LIMCH1: variants seen among roughly 807,000 people sequenced by gnomAD.
LIMCH1 encodes the protein LIM and calponin homology domains-containing protein 1.
In LIMCH1, 113 loss-of-function variants were observed where a neutral mutation model predicts 176.5. That is an observed-to-expected ratio of 0.64 (90% CI 0.55 to 0.75). LIMCH1 has a LOEUF of 0.75. Among genes scored for constraint, LIMCH1 ranks in the 30% least tolerant of loss-of-function variants. The pLI is 0.00. For synonymous variants in LIMCH1, 619 were observed against 645.9 expected (o/e 0.96, Z 0.63); for missense variants, 1,674 against 1,814.9 (o/e 0.92, Z 1.41).
At chr4:41,369,921 T>C (rs1419296678) in intron 1 of LIMCH1, among the ~76,000 whole-genome samples, 1 of 145,954 alleles carries the variant, frequency 6.9e-6, no homozygotes, top group African/African-American at 2.6e-5. Context: ...ACTCTGTTGC[T>C]GCCCTGACAG....
chr4:41,360,876 G>A lies in LIMCH1; in HGVS notation c.36G>A (p.Gln12=). 1 of 1,584,058 alleles carries A rather than the reference G, an allele frequency of 6.3e-7. No homozygotes were observed. The highest frequency in any genetic ancestry group is 8.6e-7 in the Non-Finnish European group (1 of 1,168,492). The change falls in exon 1 of 27, where the codon CAG becomes CAA. Residue 12 remains glutamine, a synonymous_variant. Coordinates refer to the LIMCH1 transcript ENST00000313860. The surrounding 1 kb of genome is among the most constrained non-coding windows in gnomAD (Gnocchi z 4.5). ...CCGCTCTCGGTCTGGAAGCTCTTCA[G>A]CCCCTGCAGCCCGAGCCGCCCCCCG...
chr4:41,636,063 C>A (rs890584752), intron 13 of LIMCH1, among the ~76,000 whole-genome samples: 1 of 152,070 alleles, frequency 6.6e-6, no homozygotes, highest in Non-Finnish European at 1.5e-5. Context: ...TACACCACTA[C>A]ACCTGGCTGA....
chr4:41,641,832 A>T (rs1175356816), intron 14 of LIMCH1, among the ~76,000 whole-genome samples: 1 of 152,178 alleles, frequency 6.6e-6, no homozygotes, highest in Non-Finnish European at 1.5e-5. Flanking sequence ...TGGATTAGGG[A>T]TGTTCAACCA....
At chr4:41,570,262 C>T (rs950386503) in intron 1 of LIMCH1, among the ~76,000 whole-genome samples, 3 of 152,196 alleles carry the variant, frequency 2.0e-5, no homozygotes, top group South Asian at 2.1e-4. Flanking sequence ...AGTCTTACAG[C>T]GAAGCTCTGA....
At chr4:41,479,274 A>G (rs960935308) in intron 1 of LIMCH1, among the ~76,000 whole-genome samples, 1 of 152,164 alleles carries the variant, frequency 6.6e-6, no homozygotes, top group Non-Finnish European at 1.5e-5. Context: ...TTTGTTCAAA[A>G]TAGTATTTCA....
At chr4:41,687,311 T>G (rs1721638358) in intron 28 of LIMCH1, among the ~76,000 whole-genome samples, 1 of 152,214 alleles carries the variant, frequency 6.6e-6, no homozygotes, top group African/African-American at 2.4e-5. Flanking sequence ...TGTTACATGT[T>G]TTGAACATGA....
intron 13 of LIMCH1, among the ~76,000 whole-genome samples, chr4:41,635,896 T>C (rs889157407): frequency 6.6e-6 from 1 of 152,320 alleles, no homozygotes; most frequent in East Asian, 1.9e-4. Context: ...TCTTTCTACC[T>C]ACCCCTACCC....
chr4:41,474,051 C>A (rs2067365857), intron 1 of LIMCH1, among the ~76,000 whole-genome samples: 1 of 151,410 alleles, frequency 6.6e-6, no homozygotes, highest in South Asian at 2.1e-4. Context: ...GGTGGTGCGC[C>A]CCTGTAATCC....
chr4:41,606,748 G>A (rs576557734), intron 4 of LIMCH1, among the ~76,000 whole-genome samples: 4 of 152,080 alleles, frequency 2.6e-5, no homozygotes, highest in South Asian at 2.1e-4. Flanking sequence ...CTCCCAACCC[G>A]CCTTAGTGTA....
rs139350051 is a variant in LIMCH1, at chr4:41,628,836, A to G, written c.1029-656A>G. On this transcript the variant is annotated intron_variant, in intron 8 of 31. Coordinates refer to ENST00000503057, the MANE Select transcript of LIMCH1 (RefSeq NM_001330672.2). Reference sequence around the variant, plus strand: ...TTATTAACACAAGAAACAAGTGGGTATTGACCCTGTCAATCCAGGTAAAGA... The same window carrying G: ...TTATTAACACAAGAAACAAGTGGGTGTTGACCCTGTCAATCCAGGTAAAGA... Among the ~76,000 whole-genome samples the G allele has an allele frequency of 1.2e-3, 189 of 152,352 alleles. 1 individual carries two copies. The highest frequency in any genetic ancestry group is 0.012 in the Admixed American group (177 of 15,300).
intron 2 of LIMCH1, among the ~76,000 whole-genome samples, chr4:41,519,216 T>C (rs1449726597): frequency 6.6e-6 from 1 of 152,140 alleles, no homozygotes; most frequent in Non-Finnish European, 1.5e-5. Context: ...TCCTGTGGGT[T>C]TTTAATCCAC....
intron 1 of LIMCH1, among the ~76,000 whole-genome samples, chr4:41,436,842 G>T (rs180670620): frequency 2.1e-4 from 32 of 152,250 alleles, no homozygotes; most frequent in Admixed American, 1.1e-3. Context: ...AGAAAATTAG[G>T]GTAAAAACAC....
intron 1 of LIMCH1, among the ~76,000 whole-genome samples, chr4:41,391,692 T>G (rs997747606): frequency 1.3e-5 from 2 of 152,124 alleles, no homozygotes; most frequent in Non-Finnish European, 2.9e-5. Flanking sequence ...AGGGACATTC[T>G]ACAAAGTATC....
chr4:41,608,819 A>T (rs912344186), intron 4 of LIMCH1, among the ~76,000 whole-genome samples: 24 of 152,186 alleles, frequency 1.6e-4, no homozygotes, highest in Non-Finnish European at 3.1e-4. Flanking sequence ...AGGGACACCC[A>T]TGGGGACGAG....
Position 41,676,407 on chromosome 4 carries a change from A to C in LIMCH1, c.3464A>C (p.Glu1155Ala). ...TTTAAGTTCTGGGCATGGGACCCAG[A>C]AGAGGAGCGCAGGCGACAGGAAAAA... ...TPFKFWAWDP[E>A]EERRRQEKWQ... The change falls in exon 23 of 32, where the codon GAA becomes GCA. Residue 1155 changes from glutamate (E) to alanine (A), a missense_variant. By Grantham distance (107) the Glu-to-Ala change is moderately radical (BLOSUM62 -1). Around this residue, in one of 3 missense-constraint regions of LIMCH1, gnomAD observed 1,015 missense variants for 1,102.5 expected, o/e 0.92. Coordinates refer to ENST00000503057, the MANE Select transcript of LIMCH1 (RefSeq NM_001330672.2). 6.2e-7 allele frequency: 1 copy of C among 1,614,024 alleles called. No individual in the cohort carries two copies. Among genetic ancestry groups the C allele is most frequent in the Non-Finnish European group, 8.5e-7 (1 of 1,179,908 alleles).
intron 1 of LIMCH1, among the ~76,000 whole-genome samples, chr4:41,437,695 G>T (rs1471342659): frequency 6.6e-6 from 1 of 152,232 alleles, no homozygotes; most frequent in African/African-American, 2.4e-5. Flanking sequence ...AGGGCCCTAT[G>T]CCTGCTAGTT....
At chr4:41,379,548 C>T (rs1457384232) in intron 1 of LIMCH1, among the ~76,000 whole-genome samples, 2 of 152,152 alleles carry the variant, frequency 1.3e-5, no homozygotes, top group African/African-American at 2.4e-5. Context: ...TTAGACTCCA[C>T]CTTTTGAAAG....
chr4:41,424,375 G>A (rs1334417473), intron 1 of LIMCH1, among the ~76,000 whole-genome samples: 2 of 152,182 alleles, frequency 1.3e-5, no homozygotes, highest in African/African-American at 2.4e-5. Context: ...CTGAATTACA[G>A]TTAAAAGCTG....
At chr4:41,519,154 C>G (rs1402859877) in intron 2 of LIMCH1, among the ~76,000 whole-genome samples, 1 of 152,126 alleles carries the variant, frequency 6.6e-6, no homozygotes, top group Admixed American at 6.5e-5. Context: ...ATTAAGATGG[C>G]CGTGAATTAG....
Sources: gnomAD v4.1 joint callset for allele counts (sites outside exome capture counted in the v4.1 genomes callset) on GRCh38, gnomAD v4.1.1 for gene constraint, gnomAD v4.1.1 regional missense constraint, Gnocchi (gnomAD v3.1) non-coding constraint, MANE v1.5 for transcripts, NCBI Gene and HGNC (gene_info 2026-07-23, HGNC 2026-07-21) for gene names.